Variants in SOBP observed in about 807,000 individuals in gnomAD.
The protein encoded by SOBP is sine oculis-binding protein homolog.
Under a neutral mutation model 53.6 loss-of-function variants are expected in SOBP, and 4 were observed. That is an observed-to-expected ratio of 0.07 (90% confidence interval 0.04 to 0.17). The LOEUF (loss-of-function observed/expected upper bound fraction) is 0.17, where lower values mean the gene tolerates loss of function less well. Ranked by LOEUF, SOBP falls within the 10% of genes least tolerant of loss-of-function variation. SOBP has a pLI of 1.00. For synonymous variants in SOBP, 584 were observed against 522.6 expected, an observed-to-expected ratio of 1.12 and a Z score of -1.60; for missense variants, 1,088 against 1,204.7, an observed-to-expected ratio of 0.90 and a Z score of 1.43.
intron 4 of SOBP, among the ~76,000 whole-genome samples, chr6:107,576,010 C>T (rs57800520): frequency 0.15 from 23,286 of 152,214 alleles, 1,999 homozygotes; most frequent in Admixed American, 0.23. Flanking sequence ...CTCTTCACCT[C>T]CATCTTCGCA....
chr6:107,552,027 A>G (rs534375578), intron 4 of SOBP, among the ~76,000 whole-genome samples: 1 of 152,250 alleles, frequency 6.6e-6, no homozygotes, highest in African/African-American at 2.4e-5. Flanking sequence ...TCTCAACAAC[A>G]ACAACAAAAA....
chr6:107,515,076 T>C (rs1476291392), intron 3 of SOBP: 1 of 152,250 alleles, frequency 6.6e-6, no homozygotes, highest in Non-Finnish European at 1.5e-5. Flanking sequence ...TTAGAACTAA[T>C]CATTTTGATG....
intron 1 of SOBP, among the ~76,000 whole-genome samples, chr6:107,498,819 A>C (rs1421271182): frequency 6.6e-6 from 1 of 152,066 alleles, no homozygotes; most frequent in Non-Finnish European, 1.5e-5. Flanking sequence ...TTTCAGACTA[A>C]ATGTTAGGAT....
At chr6:107,564,133 C>T (rs911936098) in intron 4 of SOBP, among the ~76,000 whole-genome samples, 7 of 152,124 alleles carry the variant, frequency 4.6e-5, no homozygotes, top group Admixed American at 1.3e-4. Context: ...CCCAAATGTG[C>T]GCGCGTTTCC....
intron 5 of SOBP, among the ~76,000 whole-genome samples, chr6:107,605,767 C>A (rs934368277): frequency 1.3e-5 from 2 of 152,188 alleles, no homozygotes; most frequent in African/African-American, 4.8e-5. Context: ...TCTCACTGCT[C>A]AAAATGTGGC....
chr6:107,656,289 A>G (rs1583318234), intron 6 of SOBP, among the ~76,000 whole-genome samples: 1 of 25,672 alleles, frequency 3.9e-5, no homozygotes, highest in Admixed American at 4.8e-4. Flanking sequence ...AAAGAAAGAA[A>G]AGAAAGAAAG....
chr6:107,639,003 A>G (rs1771191019), intron 6 of SOBP, among the ~76,000 whole-genome samples: 1 of 152,194 alleles, frequency 6.6e-6, no homozygotes, highest in East Asian at 1.9e-4. Context: ...CCGGGGTTGA[A>G]GCAATTCTCC....
intron 3 of SOBP, among the ~76,000 whole-genome samples, chr6:107,509,017 A>C (rs1256925150): frequency 6.6e-6 from 1 of 152,150 alleles, no homozygotes; most frequent in East Asian, 1.9e-4. Context: ...CAAGTTACAT[A>C]AGCTCTCTTC....
chr6:107,559,884 A>G (rs1466101253), intron 4 of SOBP, among the ~76,000 whole-genome samples: 1 of 152,178 alleles, frequency 6.6e-6, no homozygotes. Context: ...TCAGTCCCTG[A>G]GTGACTTGCA....
intron 4 of SOBP, among the ~76,000 whole-genome samples, chr6:107,548,450 G>C (rs1387572070): frequency 2.0e-5 from 3 of 151,936 alleles, no homozygotes; most frequent in Admixed American, 2.0e-4. Context: ...CATTGTGTTA[G>C]CCAGGATGGT....
chr6:107,558,294 A>T (rs1784673847), intron 4 of SOBP: 1 of 150,518 alleles, frequency 6.6e-6, no homozygotes, highest in South Asian at 2.1e-4. Context: ...CCCGAGACAG[A>T]GTCTTGCTCT....
At chr6:107,584,322 A>G (rs952536889) in intron 4 of SOBP, among the ~76,000 whole-genome samples, 1 of 151,836 alleles carries the variant, frequency 6.6e-6, no homozygotes. Context: ...CCTGTGTTAG[A>G]TGAATGCACT....
chr6:107,615,635 C>T (rs1583275395), intron 5 of SOBP, among the ~76,000 whole-genome samples: 1 of 152,016 alleles, frequency 6.6e-6, no homozygotes, highest in African/African-American at 2.4e-5. Context: ...GGTGTGTTCC[C>T]CAAGGGAAAA....
chr6:107,510,001 C>T (rs1398843909), intron 3 of SOBP: 1 of 152,206 alleles, frequency 6.6e-6, no homozygotes. Flanking sequence ...GGAGCTTATT[C>T]TCTTAGTTAC....
chr6:107,580,749 A>G (rs1055163766), intron 4 of SOBP, among the ~76,000 whole-genome samples: 2 of 152,222 alleles, frequency 1.3e-5, no homozygotes, highest in African/African-American at 4.8e-5. Flanking sequence ...CCAAAGTCCA[A>G]ATTGAGTGCA....
At chr6:107,633,445 C>T in intron 5 of SOBP, 69 bp from the exon 6 acceptor site, 1 of 1,594,806 alleles carries the variant, frequency 6.3e-7, no homozygotes, top group Non-Finnish European at 8.6e-7. Flanking sequence ...TTATGTGAAA[C>T]ACGAAACGTC....
At chr6:107,577,982 G>A (rs1282608942) in intron 4 of SOBP, among the ~76,000 whole-genome samples, 1 of 151,754 alleles carries the variant, frequency 6.6e-6, no homozygotes, top group African/African-American at 2.4e-5. Flanking sequence ...GCTGAGGCAG[G>A]AGAATGGCGT....
intron 4 of SOBP, among the ~76,000 whole-genome samples, chr6:107,544,837 C>T (rs1390830990): frequency 2.6e-5 from 4 of 151,824 alleles, no homozygotes; most frequent in African/African-American, 9.7e-5. Flanking sequence ...ATTCATTCTA[C>T]CAATCCTTGG....
chr6:107,541,530 A>T (rs183525151), intron 4 of SOBP, among the ~76,000 whole-genome samples: 320 of 152,298 alleles, frequency 2.1e-3, no homozygotes, highest in African/African-American at 7.3e-3. Flanking sequence ...GCATTAATTA[A>T]TCCCACTCCC....
Sources: allele counts gnomAD v4.1 joint callset (sites outside exome capture counted in the v4.1 genomes callset), GRCh38; gene constraint gnomAD v4.1.1; transcripts MANE v1.5; gene names NCBI Gene and HGNC (gene_info 2026-07-23, HGNC 2026-07-21).